LTBP2: variants seen among roughly 807,000 people sequenced by gnomAD.
The protein encoded by LTBP2 is latent transforming growth factor beta binding protein 2.
Under a neutral mutation model 210.6 loss-of-function variants are expected in LTBP2, and 103 were observed. That is an observed-to-expected ratio of 0.49 (90% CI 0.42 to 0.58). The LOEUF is 0.58. Ranked by LOEUF, LTBP2 falls within the 20% of genes least tolerant of loss-of-function variation. The pLI, the probability that LTBP2 is intolerant of heterozygous loss-of-function variation, is 0.00. For missense variants in LTBP2, 2,313 were observed against 2,494.5 expected (o/e 0.93, Z 1.55); for synonymous variants, 1,007 against 1,015.0 (o/e 0.99, Z 0.15).
intron 1 of LTBP2, among the ~76,000 whole-genome samples, chr14:74,607,507 T>C (rs1190190069): frequency 6.6e-6 from 1 of 152,224 alleles, no homozygotes; most frequent in African/African-American, 2.4e-5. Flanking sequence ...AGAAAATTAC[T>C]TTTAGAAAAA....
Position 74,508,635 on chromosome 14 carries a change from G to A in LTBP2, c.3621C>T (p.Phe1207=), listed in dbSNP as rs747362950. The change falls in exon 24 of 36, where the codon TTC becomes TTT. Residue 1207 remains phenylalanine (F), a synonymous_variant. Transcript: ENST00000261978. The part of the protein sequence containing the change: ...GSFFCLCAPG[F]VSAEGGTSCQ... ...AGCTGGTGCCCCCCTCTGCGCTGAC[G>A]AAGCCAGGCGCGCACAGACAGAAGA... The A allele has an allele frequency of 9.9e-6, 16 of 1,611,656 alleles. No individual in the cohort carries two copies. The highest frequency in any genetic ancestry group is 1.7e-4 in the Middle Eastern group (1 of 6,050).
At position 74,521,845 on chromosome 14, in the gene LTBP2, C is replaced by T. The variant is rs553006308; in HGVS notation, c.2788+66G>A. Reference sequence around the variant, plus strand: ...GCACGGTGTTTGGGGGTGTGAACCCCTGGTTCCTCTTCCACCCCCTCAAGA... The same window carrying T: ...GCACGGTGTTTGGGGGTGTGAACCCTTGGTTCCTCTTCCACCCCCTCAAGA... On this transcript the variant is annotated intron_variant, in intron 17 of 35. Transcript: ENST00000261978. 3.1e-6 allele frequency: 5 copies of T among 1,606,062 alleles called. No individual in the cohort carries two copies. In the African/African-American group the frequency reaches 6.7e-5, roughly 21 times the overall value.
At chr14:74,598,656 A>G (rs1355386882) in intron 2 of LTBP2, among the ~76,000 whole-genome samples, 1 of 152,188 alleles carries the variant, frequency 6.6e-6, no homozygotes, top group African/African-American at 2.4e-5. Context: ...TCTGGGAGAC[A>G]GGGCCCAATG....
At chr14:74,568,395 C>T (rs1054755433) in intron 3 of LTBP2, among the ~76,000 whole-genome samples, 1 of 152,012 alleles carries the variant, frequency 6.6e-6, no homozygotes, top group African/African-American at 2.4e-5. Flanking sequence ...GGGGCTGGAT[C>T]ACTGGGGAAT....
intron 34 of LTBP2, chr14:74,502,065 C>T (rs1319088488): frequency 7.3e-6 from 2 of 275,654 alleles, no homozygotes; most frequent in Non-Finnish European, 1.4e-5. Context: ...CCCTAAGCAC[C>T]CCTCCACCCC....
intron 30 of LTBP2, among the ~76,000 whole-genome samples, chr14:74,504,441 G>T (rs746027457): frequency 6.6e-6 from 1 of 152,234 alleles, no homozygotes; most frequent in Non-Finnish European, 1.5e-5. Flanking sequence ...CCAGGGAGAT[G>T]AGCGCAGCCT....
chr14:74,559,797 G>A (rs1490764226), intron 3 of LTBP2: 1 of 152,258 alleles, frequency 6.6e-6, no homozygotes, highest in Admixed American at 6.5e-5. Flanking sequence ...GAAGGGTCTG[G>A]TGCCATGTTT....
intron 17 of LTBP2, 113 bp from the exon 18 acceptor site, chr14:74,517,054 GC>G: frequency 7.2e-7 from 1 of 1,383,048 alleles, no homozygotes; most frequent in Non-Finnish European, 9.9e-7. Context: ...CCATGCTGAG[GC>G]CTGGGCAGGG....
Position 74,612,065 on chromosome 14 carries a change from G to A in LTBP2, c.-121C>T. On this transcript the variant is annotated 5_prime_UTR_variant, in exon 1 of 36. Transcript: ENST00000261978. Reference sequence around the variant, plus strand: ...CGGCGGCCAGCTTCTCTGAGTCTAGGGGGCCCTGAAGCGGCCGACTGGGGG... The same window carrying A: ...CGGCGGCCAGCTTCTCTGAGTCTAGAGGGCCCTGAAGCGGCCGACTGGGGG... 8.5e-7 allele frequency: 1 copy of A among 1,183,408 alleles called. No individual in the cohort carries two copies. Among genetic ancestry groups the A allele is most frequent in the East Asian group, 3.0e-5 (1 of 33,610 alleles). The allele number at this position is 1,183,408 out of a possible 1,614,324, so 73.3% of individuals were successfully genotyped here. A position where few individuals can be genotyped will look rare whatever the true frequency, so the allele number is the denominator to read the frequency against.
At chr14:74,610,616 G>A (rs938445492) in intron 1 of LTBP2, among the ~76,000 whole-genome samples, 14 of 152,182 alleles carry the variant, frequency 9.2e-5, no homozygotes, top group Non-Finnish European at 1.6e-4. Flanking sequence ...CAGGCAAGGC[G>A]GAGCGTGCCC....
At chr14:74,564,333 A>ATATATATT (rs2087868392) in intron 3 of LTBP2, among the ~76,000 whole-genome samples, 9 of 6,570 alleles carry the variant, frequency 1.4e-3, no homozygotes, top group Admixed American at 3.6e-3. Context: ...ATATATATTT[A>ATATATATT]TATATATATA....
At chr14:74,553,171 G>T in intron 4 of LTBP2, 109 bp from the exon 5 acceptor site, 1 of 1,099,926 alleles carries the variant, frequency 9.1e-7, no homozygotes, top group Non-Finnish European at 1.4e-6. Flanking sequence ...CATCTCAAGG[G>T]CATTTGCTGA....
At chr14:74,526,882 C>T (rs948619559) in intron 13 of LTBP2, among the ~76,000 whole-genome samples, 1 of 152,144 alleles carries the variant, frequency 6.6e-6, no homozygotes, top group East Asian at 1.9e-4. Flanking sequence ...CACCTTTCTC[C>T]GTGAGGTGGT....
rs1450054306 is a variant in LTBP2, at chr14:74,508,104, G to A, written c.3653-9C>T. 2 of 1,613,498 alleles carry A rather than the reference G, an allele frequency of 1.2e-6. No homozygotes were observed. Among genetic ancestry groups the A allele is most frequent in the African/African-American group, 2.7e-5 (2 of 74,954 alleles). On this transcript the variant is annotated splice_polypyrimidine_tract_variant and intron_variant, in intron 24 of 35. Coordinates refer to ENST00000261978, the MANE Select transcript of LTBP2 (RefSeq NM_000428.3). Reference sequence around the variant, plus strand: ...GGCACACTCGTCCACATCTAGAGTAGAGATGGCTGTCAGCAGACCCAGCCA... The same window carrying A: ...GGCACACTCGTCCACATCTAGAGTAAAGATGGCTGTCAGCAGACCCAGCCA...
At chr14:74,611,313 C>CG (rs2088603869) in intron 1 of LTBP2, 138 bp downstream of exon 1, 1 of 1,011,984 alleles carries the variant, frequency 9.9e-7, no homozygotes, top group Non-Finnish European at 1.3e-6. Flanking sequence ...TTTGGAACCT[C>CG]GGGGCTGTTT....
intron 2 of LTBP2, among the ~76,000 whole-genome samples, chr14:74,595,138 C>T (rs754051981): frequency 1.3e-5 from 2 of 152,250 alleles, no homozygotes; most frequent in Non-Finnish European, 2.9e-5. Flanking sequence ...CGGGCCTCTA[C>T]CGTTTGGGTT....
chr14:74,578,299 C>G (rs997200777), intron 3 of LTBP2, among the ~76,000 whole-genome samples: 3 of 152,210 alleles, frequency 2.0e-5, no homozygotes, highest in Non-Finnish European at 4.4e-5. Context: ...ATTGGACCGA[C>G]TGTGTGGCAG....
rs1055470548 is a variant in LTBP2 at position 74,586,716 on chromosome 14, G to A, written c.566-598C>T. 1.4e-4 allele frequency among the ~76,000 whole-genome samples: 21 copies of A among 152,230 alleles called. No homozygotes were observed. The highest frequency in any genetic ancestry group is 5.1e-4 in the African/African-American group (21 of 41,538). On this transcript the variant is annotated intron_variant, in intron 2 of 35. Transcript: ENST00000261978. This position sits in a 1 kb window ranked among gnomAD's most constrained non-coding sequence, Gnocchi z 4.6. ...CTAAGGAGGCTGGAGGACTCTAAGG[G>A]TCCTTCAAAGGCACCTTCAGCTTGA...
At chr14:74,541,968 T>A (rs2087514076) in intron 8 of LTBP2, among the ~76,000 whole-genome samples, 1 of 152,164 alleles carries the variant, frequency 6.6e-6, no homozygotes, top group South Asian at 2.1e-4. Flanking sequence ...GAAGAGAATC[T>A]GTGAGACCTG....
Sources: gnomAD v4.1 joint callset for allele counts (sites outside exome capture counted in the v4.1 genomes callset) on GRCh38, gnomAD v4.1.1 for gene constraint, Gnocchi (gnomAD v3.1) non-coding constraint, MANE v1.5 for transcripts, NCBI Gene and HGNC (gene_info 2026-07-23, HGNC 2026-07-21) for gene names.